Variants in NHSL1 observed in about 807,000 individuals in gnomAD.
The protein encoded by NHSL1 is NHS-like protein 1.
Under a neutral mutation model 95.0 loss-of-function variants are expected in NHSL1, and 48 were observed. That is an observed-to-expected ratio of 0.51 (90% confidence interval 0.40 to 0.64). The LOEUF (loss-of-function observed/expected upper bound fraction) is 0.64, where lower values mean the gene tolerates loss of function less well. Among genes scored for constraint, NHSL1 ranks in the 30% least tolerant of loss-of-function variants. The pLI is 0.00. For synonymous variants in NHSL1, 783 were observed against 833.9 expected (o/e 0.94, Z 1.05); for missense variants, 1,971 against 2,077.7 (o/e 0.95, Z 1.00).
chr6:138,679,009 T>A (rs570948486), intron 1 of NHSL1, among the ~76,000 whole-genome samples: 25 of 152,258 alleles, frequency 1.6e-4, no homozygotes, highest in Non-Finnish European at 2.6e-4. Flanking sequence ...GTCCCCCAAT[T>A]CTTTTATAAG....
At position 138,473,385 on chromosome 6, in the gene NHSL1, G is replaced by A; in HGVS notation, c.260C>T (p.Ser87Phe). ...GTTGGCCGCAAAGGTGGGTCCCTGAGAGTAGTACTGAGAACTGCGGTAGCC... is the reference window on the plus strand; with the variant it reads ...GTTGGCCGCAAAGGTGGGTCCCTGAAAGTAGTACTGAGAACTGCGGTAGCC... Reference protein sequence around the residue: ...HDGYRSSQYYSQGPTFAANAS... With the variant: ...HDGYRSSQYYFQGPTFAANAS... The change falls in exon 3 of 8, where the codon TCT (serine) becomes TTT (phenylalanine). Residue 87 changes from serine (S) to phenylalanine (F), a missense_variant. Transcript: ENST00000343505. The A allele has an allele frequency of 6.5e-7, 1 of 1,546,380 alleles. No individual in the cohort carries two copies. The highest frequency in any genetic ancestry group is 8.7e-7 in the Non-Finnish European group (1 of 1,144,918).
chr6:138,467,115 T>G (rs1329906399), intron 3 of NHSL1, among the ~76,000 whole-genome samples: 1 of 152,082 alleles, frequency 6.6e-6, no homozygotes, highest in Non-Finnish European at 1.5e-5. Flanking sequence ...CTGGTTTATG[T>G]ATTTACCATA....
intron 1 of NHSL1, among the ~76,000 whole-genome samples, chr6:138,669,102 T>C (rs148285993): frequency 3.9e-5 from 6 of 152,136 alleles, no homozygotes; most frequent in East Asian, 3.9e-4. Context: ...GTATCCTTCA[T>C]AGAACAGGGG....
At chr6:138,687,351 C>T (rs1165389444) in intron 1 of NHSL1, among the ~76,000 whole-genome samples, 1 of 151,746 alleles carries the variant, frequency 6.6e-6, no homozygotes, top group Non-Finnish European at 1.5e-5. Context: ...AAGTGCCTTG[C>T]GTTCTGAGGA....
At position 138,455,536 on chromosome 6, in the gene NHSL1, A is replaced by ACATGCTCCCTGCAAGGAGCCCCGCCTTCG. The variant is rs1562287992; in HGVS notation, c.340-8372_340-8344dup. On this transcript the variant is annotated intron_variant, in intron 3 of 7. Transcript: ENST00000343505. ...GCTCCCTGCAAGGAGCCCCGCCTTC[A>ACATGCTCCCTGCAAGGAGCCCCGCCTTCG]CATGCTCCCTGCAAGGAGCCCCGCC... Among the ~76,000 whole-genome samples, 82 of 30,366 alleles carry ACATGCTCCCTGCAAGGAGCCCCGCCTTCG rather than the reference A, an allele frequency of 2.7e-3. 30 individuals are homozygous for ACATGCTCCCTGCAAGGAGCCCCGCCTTCG. The highest frequency in any genetic ancestry group is 6.4e-3 in the Non-Finnish European group (52 of 8,130). The allele number at this position is 30,366 out of a possible 152,430, so 19.9% of individuals were successfully genotyped here.
At chr6:138,457,312 C>T (rs955916386) in intron 3 of NHSL1, among the ~76,000 whole-genome samples, 2 of 152,156 alleles carry the variant, frequency 1.3e-5, no homozygotes, top group Admixed American at 1.3e-4. Context: ...ACACTATATT[C>T]CCACTTTGAA....
chr6:138,565,943 T>TA (rs5880386), intron 1 of NHSL1, among the ~76,000 whole-genome samples: 7,689 of 133,280 alleles, frequency 0.058, 386 homozygotes, highest in East Asian at 0.29. Flanking sequence ...ACCCTGTTTC[T>TA]AAAAAAAAAA....
intron 3 of NHSL1, among the ~76,000 whole-genome samples, chr6:138,472,566 G>A (rs896549216): frequency 7.9e-5 from 12 of 152,218 alleles, no homozygotes; most frequent in African/African-American, 2.9e-4. Context: ...AAAAATGGTT[G>A]TGAAACAAAA....
At chr6:138,575,069 T>G (rs955818422), upstream of NHSL1, among the ~76,000 whole-genome samples, 1 of 152,042 alleles carries the variant, frequency 6.6e-6, no homozygotes, top group Non-Finnish European at 1.5e-5. Context: ...CCAGCTAATT[T>G]TGTATTTTTA....
At chr6:138,464,073 G>A (rs1778179024) in intron 3 of NHSL1, 2 of 442,968 alleles carry the variant, frequency 4.5e-6, no homozygotes, top group South Asian at 3.1e-5. Flanking sequence ...GAGGGGGTGA[G>A]CAAGATGGTG....
chr6:138,571,922 A>C (rs2114444524), exon 1 of NHSL1: 1 of 1,550,684 alleles, frequency 6.4e-7, no homozygotes, highest in Non-Finnish European at 8.7e-7. Flanking sequence ...CTTCTTTTCA[A>C]AATCAACTAG....
At chr6:138,475,149 CAAA>C (rs71009587) in intron 2 of NHSL1, among the ~76,000 whole-genome samples, 6 of 100,654 alleles carry the variant, frequency 6.0e-5, no homozygotes, top group African/African-American at 9.1e-5. Flanking sequence ...AACTCGGTCT[CAAA>C]AAAAAAAAAA....
chr6:138,554,245 G>A (rs752210676), intron 1 of NHSL1, among the ~76,000 whole-genome samples: 12 of 152,192 alleles, frequency 7.9e-5, no homozygotes, highest in Non-Finnish European at 1.2e-4. Context: ...GTCCTTTCAC[G>A]TTGTGTATTT....
rs377124703 is a variant in NHSL1 at position 138,596,156 on chromosome 6, A to C, written c.96+96320T>G. 7.9e-4 allele frequency among the ~76,000 whole-genome samples: 120 copies of C among 152,300 alleles called. 2 individuals are homozygous for C. The South Asian group carries it at 0.023, about 29-fold the overall frequency. On this transcript the variant is annotated intron_variant, in intron 1 of 3. Coordinates refer to the NHSL1 transcript ENST00000491526. ...GTCGATCCAAGGAATGCAAAGGGGC[A>C]GAGGAGGCAGAATCTACCTCTGCCT...
chr6:138,542,274 C>T (rs564145029), intron 1 of NHSL1, among the ~76,000 whole-genome samples: 6 of 152,292 alleles, frequency 3.9e-5, no homozygotes, highest in African/African-American at 1.2e-4. Context: ...TTTCCTGGAG[C>T]CTTCAGAGGG....
chr6:138,499,132 T>TGGAC, intron 1 of NHSL1, 101 bp downstream of exon 1: 1 of 677,662 alleles, frequency 1.5e-6, no homozygotes, highest in African/African-American at 2.7e-5. Context: ...AACACACACA[T>TGGAC]GGACACACAC....
intron 2 of NHSL1, among the ~76,000 whole-genome samples, chr6:138,479,913 A>G (rs986133007): frequency 3.9e-5 from 6 of 152,232 alleles, no homozygotes; most frequent in Non-Finnish European, 7.3e-5. Context: ...GAAGGGGTAA[A>G]GTCCTTAAAT....
Position 138,433,453 on chromosome 6 carries a change from A to G in NHSL1, c.892T>C (p.Ser298Pro), listed in dbSNP as rs1389961714. The change falls in exon 6 of 8, where the codon TCT (serine) becomes CCT (proline). Residue 298 changes from serine (S) to proline (P), a missense_variant. Ser to Pro is a moderately conservative substitution (Grantham distance 74). Transcript: ENST00000343505. ...AAQMGHFSGS[S>P]GNMSVLSDSA... ...TCGCTCAGCACAGACATGTTGCCAG[A>G]GGAACCTGAGAAGTGGCCCATCTGG... The G allele has an allele frequency of 6.4e-7, 1 of 1,552,312 alleles. No homozygotes were observed. The highest frequency in any genetic ancestry group is 2.0e-5 in the Admixed American group (1 of 51,014).
intron 1 of NHSL1, among the ~76,000 whole-genome samples, chr6:138,608,062 G>A (rs1035648392): frequency 1.4e-4 from 21 of 152,320 alleles, no homozygotes; most frequent in South Asian, 8.3e-4. Context: ...GCGGAACTGC[G>A]CAGCAGGGAA....
Sources: gnomAD v4.1 joint callset for allele counts (sites outside exome capture counted in the v4.1 genomes callset) on GRCh38, gnomAD v4.1.1 for gene constraint, MANE v1.5 for transcripts, NCBI Gene and HGNC (gene_info 2026-07-23, HGNC 2026-07-21) for gene names.